The following PRSS23 variants were observed in gnomAD, a reference collection of about 807,000 sequenced individuals.
PRSS23 encodes protease, serine 23.
In PRSS23, 25 loss-of-function variants were observed where a neutral mutation model predicts 34.7. The observed-to-expected ratio is 0.72, with a 90% CI of 0.53 to 1.01. The LOEUF is 1.01. PRSS23 is among the 50% of genes least tolerant of loss of function. The pLI is 0.00. For missense variants in PRSS23, 445 were observed against 475.6 expected (o/e 0.94, Z 0.60); for synonymous variants, 176 against 186.6 (o/e 0.94, Z 0.46).
At chr11:86,800,032 A>G (rs889453639), upstream of PRSS23, among the ~76,000 whole-genome samples, 1 of 152,230 alleles carries the variant, frequency 6.6e-6, no homozygotes, top group Non-Finnish European at 1.5e-5. Flanking sequence ...CAGGTTCTGA[A>G]CCAATTCTTC....
intron 1 of PRSS23, chr11:86,821,159 G>T: frequency 1.6e-6 from 1 of 633,662 alleles, no homozygotes; most frequent in Non-Finnish European, 2.4e-6. Context: ...ACTTTCCCCA[G>T]AAACTGAAAC....
rs566920275 is a variant in PRSS23, at chr11:86,801,303, A to C, written c.-14+652A>C. On this transcript the variant is annotated intron_variant, in intron 1 of 1. Transcript: ENST00000280258. ...AGGCATTCATCACGAGTTAACTTTT[A>C]AATAAAAGTTTTAAAGTTTTAAAAG... Among the ~76,000 whole-genome samples the C allele has an allele frequency of 5.9e-5, 9 of 152,340 alleles. No homozygotes were observed. The East Asian group carries it at 1.4e-3, about 23-fold the overall frequency.
intron 1 of PRSS23, among the ~76,000 whole-genome samples, chr11:86,791,635 A>G (rs1947952649): frequency 6.6e-6 from 1 of 152,218 alleles, no homozygotes; most frequent in African/African-American, 2.4e-5. Flanking sequence ...ACTGTGGGGA[A>G]GAAGTGCCAG....
rs374395249 is a variant in PRSS23 at position 86,885,323 on chromosome 11, C to T, written c.206+61730C>T. On this transcript the variant is annotated intron_variant, in intron 2 of 2. Coordinates refer to the PRSS23 transcript ENST00000533902. Reference sequence around the variant, plus strand: ...TGTGATGGAATAATATTATGCACACCATATGACTCTCTTTGTCAAATTTTC... The same window carrying T: ...TGTGATGGAATAATATTATGCACACTATATGACTCTCTTTGTCAAATTTTC... Among the ~76,000 whole-genome samples the T allele has an allele frequency of 2.0e-5, 3 of 152,328 alleles. No homozygotes were observed. The East Asian group carries it at 5.8e-4, about 29-fold the overall frequency.
chr11:86,825,734 G>A (rs1427121777), intron 2 of PRSS23, among the ~76,000 whole-genome samples: 1 of 151,952 alleles, frequency 6.6e-6, no homozygotes, highest in African/African-American at 2.4e-5. Context: ...TTATTAAATA[G>A]GGAATCCTTT....
chr11:86,873,171 C>T (rs943189041), intron 2 of PRSS23, among the ~76,000 whole-genome samples: 33 of 150,162 alleles, frequency 2.2e-4, no homozygotes, highest in South Asian at 4.2e-4. Context: ...TTTGCACACA[C>T]AGGAAATTAT....
chr11:86,889,665 A>G (rs1948828138), intron 2 of PRSS23, among the ~76,000 whole-genome samples: 1 of 152,230 alleles, frequency 6.6e-6, no homozygotes, highest in Non-Finnish European at 1.5e-5. Flanking sequence ...ATTATGGTTC[A>G]ACATGAATTC....
intron 2 of PRSS23, among the ~76,000 whole-genome samples, chr11:86,877,414 A>G (rs1173915535): frequency 6.6e-6 from 1 of 152,190 alleles, no homozygotes; most frequent in Non-Finnish European, 1.5e-5. Context: ...AAAAGCTCTT[A>G]TTCTTCACCT....
intron 2 of PRSS23, among the ~76,000 whole-genome samples, chr11:86,924,451 G>C (rs899112575): frequency 1.3e-5 from 2 of 152,298 alleles, no homozygotes; most frequent in Non-Finnish European, 2.9e-5. Flanking sequence ...GGAGACCTGG[G>C]ACCAAGAAGT....
At chr11:86,833,466 CGGA>C in intron 2 of PRSS23, 1 of 440,580 alleles carries the variant, frequency 2.3e-6, no homozygotes, top group Non-Finnish European at 4.2e-6. Context: ...CTGTATAGTT[CGGA>C]CATGTATATA....
At chr11:86,802,678 C>T (rs1948053962) in intron 1 of PRSS23, among the ~76,000 whole-genome samples, 1 of 152,150 alleles carries the variant, frequency 6.6e-6, no homozygotes, top group Non-Finnish European at 1.5e-5. Context: ...ATAGAGAATA[C>T]ATGACCTAAG....
chr11:86,878,699 G>A (rs1308939553), intron 2 of PRSS23, among the ~76,000 whole-genome samples: 3 of 152,004 alleles, frequency 2.0e-5, no homozygotes, highest in Non-Finnish European at 4.4e-5. Flanking sequence ...TCTGGGAAGT[G>A]AGGAGCGTCT....
intron 2 of PRSS23, among the ~76,000 whole-genome samples, chr11:86,852,944 C>T (rs552482180): frequency 2.6e-5 from 4 of 152,234 alleles, no homozygotes; most frequent in Non-Finnish European, 2.9e-5. Context: ...ACCTCCACAT[C>T]GTGGGTTCAA....
intron 2 of PRSS23, chr11:86,949,649 C>T (rs1949273194): frequency 6.6e-6 from 1 of 152,648 alleles, no homozygotes. Context: ...GGGGTACCCC[C>T]TTGTGAAGAA....
chr11:86,936,157 AGG>A (rs1323134209), intron 2 of PRSS23: 1 of 152,208 alleles, frequency 6.6e-6, no homozygotes, highest in African/African-American at 2.4e-5. Flanking sequence ...CACTACCCAG[AGG>A]GTTCATTGTG....
chr11:86,873,178 T>TTA lies in PRSS23; in HGVS notation c.206+49594_206+49595dup, dbSNP rs200570303. 7.5e-3 allele frequency among the ~76,000 whole-genome samples: 1,093 copies of TTA among 146,616 alleles called. 22 individuals are homozygous for TTA. The highest frequency in any genetic ancestry group is 0.027 in the African/African-American group (1,034 of 38,814). ...CCTTGTGATTTGCACACACAGGAAA[T>TTA]TATATATATACATATATATACACAC... On this transcript the variant is annotated intron_variant, in intron 2 of 2. Transcript: ENST00000533902.
rs553401500 is a variant in PRSS23, at chr11:86,901,037, A to T, written c.207-50179A>T. Among the ~76,000 whole-genome samples, 9 of 151,968 alleles carry T rather than the reference A, an allele frequency of 5.9e-5. 1 individual carries two copies. The South Asian group carries it at 1.9e-3, about 32-fold the overall frequency. ...TAACCTCAGGTGGTCCGCCCACCTC[A>T]GCCTCCCAAAGTGCTGGGATTACAG... On this transcript the variant is annotated intron_variant, in intron 2 of 2. Coordinates refer to the PRSS23 transcript ENST00000533902.
At chr11:86,912,871 A>G (rs2212766) in intron 2 of PRSS23, among the ~76,000 whole-genome samples, 99,210 of 152,014 alleles carry the variant, frequency 0.65, 32,981 homozygotes, top group Non-Finnish European at 0.72. Context: ...ATATGTTGTA[A>G]GGACTCTGTC....
intron 2 of PRSS23, among the ~76,000 whole-genome samples, chr11:86,868,186 G>A (rs1193721128): frequency 6.6e-6 from 1 of 152,190 alleles, no homozygotes; most frequent in East Asian, 1.9e-4. Flanking sequence ...GAGCATTCAT[G>A]AGCATGAAGG....
Sources: allele counts gnomAD v4.1 joint callset (sites outside exome capture counted in the v4.1 genomes callset), GRCh38; gene constraint gnomAD v4.1.1; transcripts MANE v1.5; gene names NCBI Gene and HGNC (gene_info 2026-07-23, HGNC 2026-07-21).